The following FHIT variants were observed in gnomAD, a reference collection of about 807,000 sequenced individuals.
The protein encoded by FHIT is bis(5'-adenosyl)-triphosphatase.
In FHIT, 19 loss-of-function variants were observed where a neutral mutation model predicts 17.9. The observed-to-expected ratio is 1.06, with a 90% CI of 0.74 to 1.56. The LOEUF is 1.56. FHIT is among the 40% of genes most tolerant of loss of function. The pLI is 0.00. For synonymous variants in FHIT, 81 were observed against 69.7 expected (o/e 1.16, Z -0.81); for missense variants, 248 against 189.2 (o/e 1.31, Z -1.82).
chr3:60,844,140 G>A (rs1553745785), intron 3 of FHIT, among the ~76,000 whole-genome samples: 1 of 152,010 alleles, frequency 6.6e-6, no homozygotes, highest in East Asian at 1.9e-4. Flanking sequence ...TAATACAAAG[G>A]CATACTATAG....
At chr3:60,977,046 T>A (rs1355308207) in intron 3 of FHIT, among the ~76,000 whole-genome samples, 1 of 152,190 alleles carries the variant, frequency 6.6e-6, no homozygotes, top group South Asian at 2.1e-4. Flanking sequence ...ATGATGGGTG[T>A]ATGAGTTTCC....
At chr3:60,418,354 A>G (rs1431585215) in intron 5 of FHIT, among the ~76,000 whole-genome samples, 1 of 141,658 alleles carries the variant, frequency 7.1e-6, no homozygotes, top group African/African-American at 2.6e-5. Flanking sequence ...ATACAAACCT[A>G]TATATATGTA....
intron 3 of FHIT, among the ~76,000 whole-genome samples, chr3:61,012,413 G>A (rs577427907): frequency 2.6e-5 from 4 of 152,112 alleles, no homozygotes; most frequent in Admixed American, 6.5e-5. Context: ...AAAATTTGAT[G>A]AGAAATTACT....
At chr3:59,854,692 C>A (rs894408399) in intron 8 of FHIT, among the ~76,000 whole-genome samples, 1 of 152,118 alleles carries the variant, frequency 6.6e-6, no homozygotes, top group Non-Finnish European at 1.5e-5. Context: ...TTCACAGGCA[C>A]AAAGCTGGTA....
intron 4 of FHIT, among the ~76,000 whole-genome samples, chr3:60,718,368 T>C (rs1357174257): frequency 1.3e-5 from 2 of 152,188 alleles, no homozygotes; most frequent in African/African-American, 4.8e-5. Context: ...GAACATTCTA[T>C]GGCTGCCAAA....
intron 5 of FHIT, among the ~76,000 whole-genome samples, chr3:60,169,241 A>C (rs2107395778): frequency 6.6e-6 from 1 of 152,318 alleles, no homozygotes; most frequent in East Asian, 1.9e-4. Flanking sequence ...ACACACGAAG[A>C]GAAATTCCAA....
intron 3 of FHIT, among the ~76,000 whole-genome samples, chr3:60,887,472 C>A (rs535310343): frequency 5.5e-4 from 83 of 152,028 alleles, no homozygotes; most frequent in Non-Finnish European, 9.1e-4. Context: ...TGGTGAAACC[C>A]CATCTCTACT....
chr3:60,546,631 C>T (rs538110326), intron 4 of FHIT, among the ~76,000 whole-genome samples: 1 of 152,280 alleles, frequency 6.6e-6, no homozygotes, highest in Admixed American at 6.5e-5. Flanking sequence ...TCCAGCACCA[C>T]CTGCTTCTTT....
intron 8 of FHIT, among the ~76,000 whole-genome samples, chr3:59,843,539 C>G (rs1235447894): frequency 6.6e-6 from 1 of 152,146 alleles, no homozygotes; most frequent in East Asian, 1.9e-4. Flanking sequence ...ATCTTCTAAT[C>G]CATAAACATA....
intron 5 of FHIT, among the ~76,000 whole-genome samples, chr3:60,336,528 T>C (rs1258238345): frequency 1.3e-5 from 2 of 152,208 alleles, no homozygotes; most frequent in African/African-American, 4.8e-5. Flanking sequence ...ATTTATCACA[T>C]TTTGTGCTCA....
At chr3:59,879,596 T>G (rs968615216) in intron 8 of FHIT, among the ~76,000 whole-genome samples, 8 of 152,124 alleles carry the variant, frequency 5.3e-5, no homozygotes, top group African/African-American at 1.9e-4. Flanking sequence ...AAAACCGGAC[T>G]GCTCCAAAAA....
chr3:60,234,012 C>A (rs568635736), intron 5 of FHIT, among the ~76,000 whole-genome samples: 11 of 152,170 alleles, frequency 7.2e-5, no homozygotes, highest in Non-Finnish European at 1.6e-4. Context: ...AACAGATTAA[C>A]AGACAAGTCA....
chr3:59,906,013 G>T (rs576253204), intron 8 of FHIT, among the ~76,000 whole-genome samples: 68 of 152,248 alleles, frequency 4.5e-4, no homozygotes, highest in African/African-American at 1.6e-3. Flanking sequence ...AAAGATAAGA[G>T]ATTCAGGCAT....
At chr3:60,656,142 T>C (rs2040109921) in intron 4 of FHIT, among the ~76,000 whole-genome samples, 1 of 152,124 alleles carries the variant, frequency 6.6e-6, no homozygotes, top group Non-Finnish European at 1.5e-5. Flanking sequence ...AGCTGCTGGT[T>C]TTATCTCATC....
chr3:60,135,911 G>T (rs1272395489), intron 5 of FHIT, among the ~76,000 whole-genome samples: 3 of 151,996 alleles, frequency 2.0e-5, no homozygotes, highest in African/African-American at 7.3e-5. Context: ...CACCTAAACT[G>T]TCCATCATCG....
intron 5 of FHIT, among the ~76,000 whole-genome samples, chr3:60,215,148 T>C (rs1703640322): frequency 6.6e-6 from 1 of 151,892 alleles, no homozygotes; most frequent in African/African-American, 2.4e-5. Context: ...CAAGCCTGGA[T>C]GCACACCCCT....
At chr3:60,845,947 C>A (rs1702911609) in intron 3 of FHIT, among the ~76,000 whole-genome samples, 1 of 152,132 alleles carries the variant, frequency 6.6e-6, no homozygotes, top group African/African-American at 2.4e-5. Flanking sequence ...CATATCTAAA[C>A]AAAGGTATCA....
chr3:60,488,370 T>C (rs1211478570), intron 5 of FHIT, among the ~76,000 whole-genome samples: 1 of 152,176 alleles, frequency 6.6e-6, no homozygotes, highest in Non-Finnish European at 1.5e-5. Context: ...TTAGAAAACC[T>C]CTTAACAGGG....
intron 4 of FHIT, among the ~76,000 whole-genome samples, chr3:60,594,412 T>A (rs980767532): frequency 6.6e-6 from 1 of 152,110 alleles, no homozygotes; most frequent in East Asian, 1.9e-4. Flanking sequence ...AAACCACAAC[T>A]TTTGCAGCCA....
Sources: gnomAD v4.1 joint callset for allele counts (sites outside exome capture counted in the v4.1 genomes callset) on GRCh38, gnomAD v4.1.1 for gene constraint, MANE v1.5 for transcripts, NCBI Gene and HGNC (gene_info 2026-07-23, HGNC 2026-07-21) for gene names.